The following GALNT14 variants were observed in gnomAD, a reference collection of about 807,000 sequenced individuals.
The protein encoded by GALNT14 is polypeptide N-acetylgalactosaminyltransferase 14.
A neutral mutation model predicts 77.5 loss-of-function variants in GALNT14; 60 were observed. That is an observed-to-expected ratio of 0.77 (90% CI 0.63 to 0.96). The LOEUF (loss-of-function observed/expected upper bound fraction) is 0.96, where lower values mean the gene tolerates loss of function less well. GALNT14 is among the 40% of genes least tolerant of loss of function. The pLI is 0.00. For synonymous variants in GALNT14, 280 were observed against 281.7 expected, an observed-to-expected ratio of 0.99 and a Z score of 0.06; for missense variants, 710 against 731.0, an observed-to-expected ratio of 0.97 and a Z score of 0.33.
chr2:30,893,955 C>T, the GALNT14 span, among the ~76,000 whole-genome samples: 1 of 152,054 alleles, frequency 6.6e-6, no homozygotes, highest in East Asian at 1.9e-4. Flanking sequence ...TCTTGAGCTT[C>T]TCAGTTACAC....
chr2:31,038,784 C>T (rs372634964), intron 1 of GALNT14, among the ~76,000 whole-genome samples: 2 of 148,754 alleles, frequency 1.3e-5, no homozygotes, highest in African/African-American at 5.0e-5. Flanking sequence ...CTCACTGTGT[C>T]GCCCAGGCTG....
intron 1 of GALNT14, among the ~76,000 whole-genome samples, chr2:31,089,012 A>G (rs991813064): frequency 1.3e-5 from 2 of 152,224 alleles, no homozygotes; most frequent in Non-Finnish European, 2.9e-5. Flanking sequence ...TAATTTCTCA[A>G]TGAATGATGA....
chr2:31,020,358 T>C (rs1040578818), intron 1 of GALNT14, among the ~76,000 whole-genome samples: 5 of 152,198 alleles, frequency 3.3e-5, no homozygotes, highest in Admixed American at 3.3e-4. Flanking sequence ...AGTATTGTCA[T>C]GTGGGTAAAT....
At chr2:30,906,732 C>G (rs947098359), downstream of GALNT14, among the ~76,000 whole-genome samples, 1 of 152,170 alleles carries the variant, frequency 6.6e-6, no homozygotes, top group African/African-American at 2.4e-5. Flanking sequence ...ACAGAACTCT[C>G]CACCCCAAAT....
At chr2:30,909,184 G>T (rs1182502053), downstream of GALNT14, among the ~76,000 whole-genome samples, 2 of 150,990 alleles carry the variant, frequency 1.3e-5, no homozygotes, top group Non-Finnish European at 3.0e-5. Flanking sequence ...AAAAGCAATG[G>T]CAACAAAAGC....
chr2:30,913,244 G>A (rs938584656), intron 13 of GALNT14, among the ~76,000 whole-genome samples: 6 of 152,060 alleles, frequency 3.9e-5, no homozygotes, highest in African/African-American at 1.4e-4. Flanking sequence ...CTTTGCCTCC[G>A]TCTGGGGGCA....
intron 11 of GALNT14, 122 bp from the exon 12 acceptor site, chr2:30,924,945 C>G: frequency 1.5e-6 from 1 of 677,112 alleles, no homozygotes; most frequent in East Asian, 2.7e-5. Flanking sequence ...TCTGTGCTCA[C>G]ATCTCTCTGG....
intron 1 of GALNT14, among the ~76,000 whole-genome samples, chr2:31,068,551 A>C (rs1449370551): frequency 6.6e-6 from 1 of 152,040 alleles, no homozygotes; most frequent in Non-Finnish European, 1.5e-5. Flanking sequence ...GTCCATAACT[A>C]ATAGCAAATG....
chr2:30,979,230 GT>G (rs1668833607), intron 2 of GALNT14, among the ~76,000 whole-genome samples: 1 of 152,218 alleles, frequency 6.6e-6, no homozygotes, highest in African/African-American at 2.4e-5. Flanking sequence ...CAGCGGCTGA[GT>G]TTGGCAGCAA....
Position 30,993,023 on chromosome 2 carries a change from G to A in GALNT14, c.130-16C>T. 2 of 1,613,112 alleles carry A rather than the reference G, an allele frequency of 1.2e-6. No individual in the cohort carries two copies. The highest frequency in any genetic ancestry group is 1.1e-5 in the South Asian group (1 of 90,926). ...CGTCCGAAGGCTGCGTGACACGAAT[G>A]GGAAGTCTGTGAGAACGGCTCCCTG... On this transcript the variant is annotated splice_polypyrimidine_tract_variant and intron_variant, in intron 1 of 14. Transcript: ENST00000349752.
In GALNT14 at chr2:30,911,032, C is replaced by A. The variant is rs973285495; in HGVS notation, c.1528G>T (p.Glu510Ter). ...AGGCAGAGGTGGGATGCTATGTGCTCGATGTGGGAACCAGTTTTGGTCCAT... is the reference window on the plus strand; with the variant it reads ...AGGCAGAGGTGGGATGCTATGTGCTAGATGTGGGAACCAGTTTTGGTCCAT... ...QQWTKTGSHIEHIASHLCLDT... is the reference protein window; with the variant it reads ...QQWTKTGSHI Residue 510 changes from glutamate to a stop codon, truncating the protein, a stop_gained, in exon 15 of 15, where the codon GAG (glutamate) becomes TAG (stop). Transcript: ENST00000349752. LOFTEE classifies it high-confidence loss of function. 1 of 1,613,578 alleles carries A rather than the reference C, an allele frequency of 6.2e-7. No individual in the cohort carries two copies. The highest frequency in any genetic ancestry group is 8.5e-7 in the Non-Finnish European group (1 of 1,179,906).
rs1553339835 is a variant in GALNT14, at chr2:30,938,384, ACT to A, written c.931+3815_931+3816del. Reference sequence around the variant, plus strand: ...TACACACACACACACACACACACACACTCTCTCTCTCTCTCTCTCTCTCTAAC... The same window carrying A: ...TACACACACACACACACACACACACACTCTCTCTCTCTCTCTCTCTCTAAC... On this transcript the variant is annotated intron_variant, in intron 9 of 14. Transcript: ENST00000349752. Among the ~76,000 whole-genome samples the A allele has an allele frequency of 5.1e-3, 722 of 141,534 alleles. 1 individual carries two copies. Among genetic ancestry groups the A allele is most frequent in the African/African-American group, 0.013 (500 of 38,238 alleles). 92.9% of individuals were successfully genotyped at this position (141,534 alleles called of 152,430 possible). A position where few individuals can be genotyped will look rare whatever the true frequency, so the allele number is the denominator to read the frequency against.
intron 1 of GALNT14, among the ~76,000 whole-genome samples, chr2:31,032,373 G>A (rs1181012376): frequency 5.9e-5 from 9 of 152,206 alleles, no homozygotes; most frequent in African/African-American, 1.9e-4. Flanking sequence ...TGTTGGGAGG[G>A]AGAACAAGAG....
chr2:31,074,167 G>A (rs12463945), intron 1 of GALNT14, among the ~76,000 whole-genome samples: 80,200 of 151,930 alleles, frequency 0.53, 21,909 homozygotes, highest in African/African-American at 0.67. Flanking sequence ...GAAGGGAGAC[G>A]GTGCCAGGGA....
chr2:31,006,022 C>T (rs367918602), intron 1 of GALNT14, among the ~76,000 whole-genome samples: 14 of 152,114 alleles, frequency 9.2e-5, no homozygotes, highest in South Asian at 4.2e-4. Context: ...CCCCATACTC[C>T]GAGGAACCTG....
chr2:31,023,230 T>C (rs565163701), intron 1 of GALNT14, among the ~76,000 whole-genome samples: 13 of 152,262 alleles, frequency 8.5e-5, no homozygotes, highest in African/African-American at 1.9e-4. Context: ...GGTGAATATC[T>C]CAATTTTCTC....
intron 2 of GALNT14, among the ~76,000 whole-genome samples, chr2:30,976,314 G>A (rs1249821025): frequency 1.3e-5 from 2 of 152,188 alleles, no homozygotes; most frequent in African/African-American, 2.4e-5. Flanking sequence ...CTTAAAGAAC[G>A]TAGACTCCTC....
chr2:31,060,137 T>C (rs1223724432), intron 1 of GALNT14, among the ~76,000 whole-genome samples: 1 of 152,196 alleles, frequency 6.6e-6, no homozygotes, highest in African/African-American at 2.4e-5. Flanking sequence ...GCAGGAAGGT[T>C]GCATAGCCTG....
chr2:30,986,691 A>G (rs1446540646), intron 2 of GALNT14, among the ~76,000 whole-genome samples: 1 of 152,244 alleles, frequency 6.6e-6, no homozygotes, highest in African/African-American at 2.4e-5. Flanking sequence ...TCCTCTGGAC[A>G]ATCATCTCAG....
Sources: allele counts gnomAD v4.1 joint callset (sites outside exome capture counted in the v4.1 genomes callset), GRCh38; gene constraint gnomAD v4.1.1; transcripts MANE v1.5; gene names NCBI Gene and HGNC (gene_info 2026-07-23, HGNC 2026-07-21).